The following CDH13 variants were observed in gnomAD, a reference collection of about 807,000 sequenced individuals.
CDH13 encodes cadherin-13.
CDH13 carries 24 observed loss-of-function variants against 63.8 expected under a neutral mutation model. That is an observed-to-expected ratio of 0.38 (90% CI 0.27 to 0.53). CDH13 has a LOEUF of 0.53. CDH13 is among the 20% of genes least tolerant of loss of function. CDH13 has a pLI of 0.85. For synonymous variants in CDH13, 503 were observed against 355.3 expected (o/e 1.42, Z -4.67); for missense variants, 1,049 against 903.1 (o/e 1.16, Z -2.07).
chr16:83,649,218 G>A (rs1171625626), intron 8 of CDH13, among the ~76,000 whole-genome samples: 1 of 152,178 alleles, frequency 6.6e-6, no homozygotes, highest in Non-Finnish European at 1.5e-5. Context: ...ATGTGCCCTT[G>A]GCACCTGTTC....
At chr16:83,208,074 C>A (rs2039234002) in intron 4 of CDH13, among the ~76,000 whole-genome samples, 1 of 152,114 alleles carries the variant, frequency 6.6e-6, no homozygotes, top group Non-Finnish European at 1.5e-5. Context: ...ATGGGAGCTC[C>A]ATTTGACCTT....
intron 2 of CDH13, among the ~76,000 whole-genome samples, chr16:83,008,480 G>C (rs1446711763): frequency 6.6e-6 from 1 of 152,244 alleles, no homozygotes; most frequent in African/African-American, 2.4e-5. Context: ...CCGAGTGACT[G>C]AGTGAGGGTG....
chr16:82,667,136 G>A (rs138129008), intron 1 of CDH13, among the ~76,000 whole-genome samples: 41 of 152,260 alleles, frequency 2.7e-4, no homozygotes, highest in African/African-American at 7.9e-4. Flanking sequence ...TATTCACATC[G>A]CCTCACCTCC....
At chr16:82,810,849 T>C (rs555742860) in intron 1 of CDH13, among the ~76,000 whole-genome samples, 1 of 151,614 alleles carries the variant, frequency 6.6e-6, no homozygotes, top group South Asian at 2.1e-4. Flanking sequence ...GAGAAGCCAT[T>C]AATAGGATTC....
chr16:82,969,653 C>T (rs1237225387), intron 2 of CDH13, among the ~76,000 whole-genome samples: 1 of 152,118 alleles, frequency 6.6e-6, no homozygotes, highest in Non-Finnish European at 1.5e-5. Context: ...CCTCTACACA[C>T]TGGATACCAC....
At chr16:83,251,933 G>C (rs796815529) in intron 5 of CDH13, among the ~76,000 whole-genome samples, 7 of 152,076 alleles carry the variant, frequency 4.6e-5, no homozygotes, top group African/African-American at 1.7e-4. Context: ...TATAGCCCCT[G>C]AGGGAGTGCC....
rs189474972 is a variant in CDH13 at position 83,361,419 on chromosome 16, A to C, written c.781+16413A>C. 2.0e-5 allele frequency among the ~76,000 whole-genome samples: 3 copies of C among 152,284 alleles called. No homozygotes were observed. The East Asian group carries it at 5.8e-4, about 29-fold the overall frequency. The stretch of plus-strand genomic sequence containing the variant: ...CTGTTGATAGTTTCCTTTGCTGTGC[A>C]GATCTTTAGTTTAATTAAATCCCAC... On this transcript the variant is annotated intron_variant, in intron 6 of 13. Coordinates refer to ENST00000567109, the MANE Select transcript of CDH13 (RefSeq NM_001257.5).
At chr16:82,741,335 C>T (rs1158725088) in intron 1 of CDH13, among the ~76,000 whole-genome samples, 1 of 152,196 alleles carries the variant, frequency 6.6e-6, no homozygotes, top group African/African-American at 2.4e-5. Context: ...CTCCCACCTG[C>T]CTGGTGAATT....
intron 7 of CDH13, among the ~76,000 whole-genome samples, chr16:83,590,290 A>G (rs1431098206): frequency 3.9e-5 from 6 of 152,168 alleles, no homozygotes; most frequent in Non-Finnish European, 8.8e-5. Flanking sequence ...AGAGATGGGG[A>G]CTTGACATCA....
chr16:82,987,361 TTTTG>T (rs200643952), intron 2 of CDH13, among the ~76,000 whole-genome samples: 19 of 151,862 alleles, frequency 1.3e-4, no homozygotes, highest in Non-Finnish European at 1.6e-4. Flanking sequence ...TTTTGTTTTG[TTTTG>T]TTTGTTTGTT....
At chr16:82,974,904 A>G (rs565997724) in intron 2 of CDH13, among the ~76,000 whole-genome samples, 20 of 152,282 alleles carry the variant, frequency 1.3e-4, no homozygotes, top group African/African-American at 4.8e-4. Flanking sequence ...GTTCCTGGGG[A>G]TTTGTTACAG....
intron 6 of CDH13, among the ~76,000 whole-genome samples, chr16:83,378,122 A>G (rs930000103): frequency 3.3e-5 from 5 of 152,234 alleles, no homozygotes; most frequent in African/African-American, 9.6e-5. Context: ...TTGCAGAAGC[A>G]GCATCACCAT....
chr16:83,063,860 A>G (rs2031787218), intron 3 of CDH13, among the ~76,000 whole-genome samples: 2 of 152,070 alleles, frequency 1.3e-5, no homozygotes, highest in Admixed American at 6.5e-5. Flanking sequence ...CCTTCTTACA[A>G]CTTCAAAGGC....
At chr16:82,950,103 C>T (rs1385162004) in intron 2 of CDH13, among the ~76,000 whole-genome samples, 1 of 152,114 alleles carries the variant, frequency 6.6e-6, no homozygotes, top group Non-Finnish European at 1.5e-5. Context: ...AAATAAATTT[C>T]CTGTCAATCT....
intron 6 of CDH13, among the ~76,000 whole-genome samples, chr16:83,380,595 G>A (rs1380802673): frequency 5.3e-5 from 8 of 152,156 alleles, no homozygotes; most frequent in African/African-American, 1.4e-4. Flanking sequence ...GTCTGGAGAC[G>A]TCATTTGGGA....
intron 1 of CDH13, among the ~76,000 whole-genome samples, chr16:82,776,047 T>C (rs1163512927): frequency 1.3e-5 from 2 of 152,090 alleles, no homozygotes; most frequent in Non-Finnish European, 2.9e-5. Flanking sequence ...CTCTCTCTCC[T>C]AAAAATACAA....
intron 2 of CDH13, among the ~76,000 whole-genome samples, chr16:82,984,231 C>G (rs143561758): frequency 6.6e-6 from 1 of 152,200 alleles, no homozygotes; most frequent in Non-Finnish European, 1.5e-5. Flanking sequence ...ATTAGCCAGC[C>G]TAATTTGAAA....
In CDH13 at chr16:83,136,809, A is replaced by C. The variant is rs2036310739; in HGVS notation, c.483+11308A>C. 1.3e-5 allele frequency among the ~76,000 whole-genome samples: 2 copies of C among 152,156 alleles called. 1 individual carries two copies. The highest frequency in any genetic ancestry group is 4.1e-4 in the South Asian group (2 of 4,820). Reference sequence around the variant, plus strand: ...GAATGCAGGTTCCCAGATTCGTAGGAGTGGTCTGAGATTCCAAAGTTCAAA... The same window carrying C: ...GAATGCAGGTTCCCAGATTCGTAGGCGTGGTCTGAGATTCCAAAGTTCAAA... On this transcript the variant is annotated intron_variant, in intron 4 of 13. Coordinates refer to ENST00000567109, the MANE Select transcript of CDH13 (RefSeq NM_001257.5).
chr16:83,489,631 A>G (rs1227549770), intron 7 of CDH13, among the ~76,000 whole-genome samples: 2 of 152,188 alleles, frequency 1.3e-5, no homozygotes, highest in African/African-American at 2.4e-5. Flanking sequence ...CAGAGTTTGC[A>G]ATGTTTTCCT....
Sources: gnomAD v4.1 joint callset for allele counts (sites outside exome capture counted in the v4.1 genomes callset) on GRCh38, gnomAD v4.1.1 for gene constraint, MANE v1.5 for transcripts, NCBI Gene and HGNC (gene_info 2026-07-23, HGNC 2026-07-21) for gene names.